Variants in PCYT2 observed in about 807,000 individuals in gnomAD.
The protein encoded by PCYT2 is ethanolamine-phosphate cytidylyltransferase.
PCYT2 carries 33 observed loss-of-function variants against 50.0 expected under a neutral mutation model. That is an observed-to-expected ratio of 0.66 (90% confidence interval 0.50 to 0.88). The LOEUF is 0.88. Ranked by LOEUF, PCYT2 falls within the 40% of genes least tolerant of loss-of-function variation. The pLI is 0.00. For synonymous variants in PCYT2, 240 were observed against 203.7 expected, an observed-to-expected ratio of 1.18 and a Z score of -1.52; for missense variants, 430 against 519.7, an observed-to-expected ratio of 0.83 and a Z score of 1.68.
intron 6 of PCYT2, 85 bp downstream of exon 6, chr17:81,907,469 C>CT: frequency 6.9e-7 from 1 of 1,454,630 alleles, no homozygotes; most frequent in Non-Finnish European, 9.4e-7. Context: ...CTGGGCTGGC[C>CT]TTTCCCCAAG....
chr17:81,906,983 C>A, intron 6 of PCYT2, 85 bp from the exon 7 acceptor site: 1 of 1,443,106 alleles, frequency 6.9e-7, no homozygotes, highest in Admixed American at 2.0e-5. Context: ...CAGCTGTCAC[C>A]TGCCAGCAAT....
chr17:81,909,423 A>G, intron 2 of PCYT2, 91 bp downstream of exon 2: 1 of 1,480,114 alleles, frequency 6.8e-7, no homozygotes, highest in Non-Finnish European at 9.3e-7. Flanking sequence ...TGCCCTGGCA[A>G]GGTGGCCCCA....
At position 81,904,882 on chromosome 17, in the gene PCYT2, G is replaced by T; in HGVS notation, c.1121C>A (p.Ala374Asp). 1 of 1,612,942 alleles carries T rather than the reference G, an allele frequency of 6.2e-7. No individual in the cohort carries two copies. Among genetic ancestry groups the T allele is most frequent in the Non-Finnish European group, 8.5e-7 (1 of 1,179,880 alleles). The change falls in exon 13 of 13, where the codon GCC becomes GAC. Residue 374 changes from alanine to aspartate, a missense_variant. Physicochemically the swap from Ala to Asp is moderately radical, Grantham distance 126. This residue lies in a region of PCYT2 where 248 missense variants were observed against 300.2 expected (regional missense o/e 0.83). Coordinates refer to ENST00000538936, the MANE Select transcript of PCYT2 (RefSeq NM_002861.5). ...EAKELAFLEA[A>D]RQQAAQPLGE... ...CAGGGGCTGTGCCGCCTGCTGCCTG[G>T]CAGCCTCCAGGAAGGCCAGCTCCTT...
chr17:81,907,457 C>G, intron 6 of PCYT2, 97 bp downstream of exon 6: 7 of 1,358,636 alleles, frequency 5.2e-6, no homozygotes, highest in Non-Finnish European at 6.1e-6. Flanking sequence ...GAGGGTGAGG[C>G]TCTGGGCTGG....
At chr17:81,910,457 A>C (rs2143741494) in intron 1 of PCYT2, among the ~76,000 whole-genome samples, 1 of 152,284 alleles carries the variant, frequency 6.6e-6, no homozygotes, top group South Asian at 2.1e-4. Flanking sequence ...CATGCTGGGT[A>C]AAATCTGGCG....
chr17:81,906,600 G>T, intron 7 of PCYT2, 54 bp from the exon 8 acceptor site: 1 of 1,581,680 alleles, frequency 6.3e-7, no homozygotes, highest in South Asian at 1.1e-5. Flanking sequence ...GCAGCTCCCT[G>T]ACAGCTCATG....
chr17:81,901,217 G>A lies in PCYT2; in HGVS notation c.*3616C>T, dbSNP rs571916242. On this transcript the variant is annotated 3_prime_UTR_variant, in exon 13 of 13. Transcript: ENST00000538936. ...GCGAGGGCGGGAAGCATCCAGCATG[G>A]GAGAAAGATGGAGGCCAGATTCAGC... is the stretch of plus-strand genomic sequence containing the variant. 1 of 152,332 alleles carries A rather than the reference G, an allele frequency of 6.6e-6. No homozygotes were observed. Among genetic ancestry groups the A allele is most frequent in the African/African-American group, 2.4e-5 (1 of 41,554 alleles). The allele number at this position is 152,332 out of a possible 1,614,324, so 9.4% of individuals were successfully genotyped here. A position where few individuals can be genotyped will look rare whatever the true frequency, so the allele number is the denominator to read the frequency against.
chr17:81,902,104 T>A lies in PCYT2; in HGVS notation c.*2729A>T. The A allele has an allele frequency of 2.1e-6, 1 of 469,784 alleles. No individual in the cohort carries two copies. The highest frequency in any genetic ancestry group is 3.2e-6 in the Non-Finnish European group (1 of 315,628). The allele number at this position is 469,784 out of a possible 1,614,324, so 29.1% of individuals were successfully genotyped here. A position where few individuals can be genotyped will look rare whatever the true frequency, so the allele number is the denominator to read the frequency against. ...GCGCTCGCCCGCGCGGCTGGTTCCTTTGGGATGCGGAGGTGCGACGGCTCC... is the reference window on the plus strand; with the variant it reads ...GCGCTCGCCCGCGCGGCTGGTTCCTATGGGATGCGGAGGTGCGACGGCTCC... On this transcript the variant is annotated 3_prime_UTR_variant, in exon 13 of 13. Transcript: ENST00000538936.
chr17:81,906,613 C>T (rs1490069159), intron 7 of PCYT2, 67 bp from the exon 8 acceptor site: 11 of 1,571,740 alleles, frequency 7.0e-6, no homozygotes, highest in Middle Eastern at 1.7e-4. Flanking sequence ...AGCTCATGCC[C>T]AAGGGCCTCC....
chr17:81,908,657 A>G, intron 3 of PCYT2, 23 bp from the exon 4 acceptor site: 1 of 1,600,594 alleles, frequency 6.2e-7, no homozygotes, highest in Non-Finnish European at 8.6e-7. Context: ...ACACAAGGAC[A>G]AGGATCCTTA....
In PCYT2 at chr17:81,902,670, C is replaced by G. The variant is rs745406015; in HGVS notation, c.*2163G>C. The G allele has an allele frequency of 2.5e-6, 4 of 1,607,736 alleles. No homozygotes were observed. The highest frequency in any genetic ancestry group is 2.2e-5 in the South Asian group (2 of 90,422). On this transcript the variant is annotated 3_prime_UTR_variant, in exon 13 of 13. Transcript: ENST00000538936. ...CAAACCTGCAGAGGTGCGAGCGGCT[C>G]CCCGACGGCCGCGGGACCTACCAGT...
Position 81,907,614 on chromosome 17 carries a change from G to A in PCYT2, c.493-16C>T. The stretch of plus-strand genomic sequence containing the variant: ...AGGACATCTCCTGCACAGAAGGTCA[G>A]AGCAGGGCTGAGGGGCCTGCCCTCC... On this transcript the variant is annotated splice_polypyrimidine_tract_variant and intron_variant, in intron 5 of 12. Coordinates refer to ENST00000538936, the MANE Select transcript of PCYT2 (RefSeq NM_002861.5). 1 of 1,610,820 alleles carries A rather than the reference G, an allele frequency of 6.2e-7. No homozygotes were observed. Among genetic ancestry groups the A allele is most frequent in the African/African-American group, 1.3e-5 (1 of 75,060 alleles).
chr17:81,910,479 C>T (rs1032622010), intron 1 of PCYT2, among the ~76,000 whole-genome samples: 1 of 152,204 alleles, frequency 6.6e-6, no homozygotes, highest in African/African-American at 2.4e-5. Context: ...GCCCATGTAC[C>T]CACTGGACAG....
chr17:81,906,217 TG>T (rs2040257916), intron 8 of PCYT2, 40 bp from the exon 9 acceptor site: 1 of 1,555,094 alleles, frequency 6.4e-7, no homozygotes, highest in Non-Finnish European at 8.8e-7. Flanking sequence ...GGAGACTTTT[TG>T]GGGGGACAGG....
rs1031015637 is a variant in PCYT2, at chr17:81,901,548, C to T, written c.*3285G>A. The T allele has an allele frequency of 6.6e-6, 1 of 152,304 alleles. No individual in the cohort carries two copies. Among genetic ancestry groups the T allele is most frequent in the East Asian group, 1.9e-4 (1 of 5,204 alleles). 9.4% of individuals were successfully genotyped at this position (152,304 alleles called of 1,614,324 possible). On this transcript the variant is annotated 3_prime_UTR_variant, in exon 13 of 13. Coordinates refer to ENST00000538936, the MANE Select transcript of PCYT2 (RefSeq NM_002861.5). ...TACCCAAGAGAAGACATGACCAGGA[C>T]CTTGGGGGAGCATGAAATGGTGAGG...
chr17:81,907,544 C>T lies in PCYT2; in HGVS notation c.537+10G>A, dbSNP rs1489700248. 6.2e-7 allele frequency: 1 copy of T among 1,606,710 alleles called. No individual in the cohort carries two copies. On this transcript the variant is annotated intron_variant, in intron 6 of 12. Coordinates refer to ENST00000538936, the MANE Select transcript of PCYT2 (RefSeq NM_002861.5). ...TGCGTGCTCAGCTCTCCCTGCACAG[C>T]CGCACTCACCTTGCCAAAACTGTCT...
At chr17:81,905,819 G>C (rs1431002954) in intron 9 of PCYT2, 84 bp from the exon 10 acceptor site, 2 of 1,404,044 alleles carry the variant, frequency 1.4e-6, no homozygotes, top group Admixed American at 3.4e-5. Context: ...AGACGGCTCA[G>C]ACATGGGGCG....
Position 81,902,614 on chromosome 17 carries a change from C to G in PCYT2, c.*2219G>C, listed in dbSNP as rs770536346. On this transcript the variant is annotated 3_prime_UTR_variant, in exon 13 of 13. Coordinates refer to ENST00000538936, the MANE Select transcript of PCYT2 (RefSeq NM_002861.5). ...GCCCCTCAGCCTTTGCTTGCCTGCC[C>G]CCCAGGCTGTGTGCGTCCAGGACGT... 6.3e-7 allele frequency: 1 copy of G among 1,579,680 alleles called. No homozygotes were observed. Among genetic ancestry groups the G allele is most frequent in the Non-Finnish European group, 8.6e-7 (1 of 1,167,448 alleles).
In PCYT2 at chr17:81,901,625, C is replaced by T. The variant is rs1471513626; in HGVS notation, c.*3208G>A. ...ACCTGCCAGGAGAGCGGCTGGCAGT[C>T]CTGCCTGGTGCCCCCCAAGGGGCAG... On this transcript the variant is annotated 3_prime_UTR_variant, in exon 13 of 13. Coordinates refer to ENST00000538936, the MANE Select transcript of PCYT2 (RefSeq NM_002861.5). 1 of 152,316 alleles carries T rather than the reference C, an allele frequency of 6.6e-6. No individual in the cohort carries two copies. The highest frequency in any genetic ancestry group is 1.5e-5 in the Non-Finnish European group (1 of 68,142). The allele number at this position is 152,316 out of a possible 1,614,324, so 9.4% of individuals were successfully genotyped here.
Sources: allele counts gnomAD v4.1 joint callset (sites outside exome capture counted in the v4.1 genomes callset), GRCh38; gene constraint gnomAD v4.1.1; regional missense constraint gnomAD v4.1.1; transcripts MANE v1.5; gene names NCBI Gene and HGNC (gene_info 2026-07-23, HGNC 2026-07-21).